Variants in TRPM2 observed in about 807,000 individuals in gnomAD.
TRPM2 encodes the protein transient receptor potential cation channel subfamily M member 2.
Under a neutral mutation model 174.0 loss-of-function variants are expected in TRPM2, and 161 were observed. The ratio of observed to expected loss-of-function variants is 0.93; its 90% CI spans 0.81 to 1.05. The LOEUF (loss-of-function observed/expected upper bound fraction) is 1.05. Among genes scored for constraint, TRPM2 ranks in the 50% least tolerant of loss-of-function variants. TRPM2 has a pLI of 0.00. For synonymous variants in TRPM2, 954 were observed against 861.3 expected (o/e 1.11, Z -1.88); for missense variants, 2,057 against 2,038.0 (o/e 1.01, Z -0.18).
chr21:44,422,705 C>T (rs2050596113), intron 22 of TRPM2, among the ~76,000 whole-genome samples: 1 of 152,192 alleles, frequency 6.6e-6, no homozygotes, highest in Admixed American at 6.5e-5. Flanking sequence ...ATAAACACAG[C>T]AGGCCGAGGC....
chr21:44,416,624 G>C (rs187954955), intron 20 of TRPM2: 77 of 189,820 alleles, frequency 4.1e-4, no homozygotes, highest in Admixed American at 5.9e-4. Flanking sequence ...AATATCGAAA[G>C]TCTGTGTGCT....
upstream of TRPM2, among the ~76,000 whole-genome samples, chr21:44,351,550 C>G (rs2047926032): frequency 2.0e-5 from 3 of 152,224 alleles, no homozygotes; most frequent in East Asian, 5.8e-4. Context: ...AGCTGTGAAC[C>G]AGGGTGGCCC....
upstream of TRPM2, chr21:44,353,555 C>G: frequency 9.4e-7 from 1 of 1,058,368 alleles, no homozygotes; most frequent in Non-Finnish European, 1.3e-6. Flanking sequence ...GTGGCCAGGT[C>G]CTCTCAGAAC....
At chr21:44,431,465 G>A (rs1243758172) in intron 27 of TRPM2, among the ~76,000 whole-genome samples, 1 of 151,970 alleles carries the variant, frequency 6.6e-6, no homozygotes, top group East Asian at 1.9e-4. Flanking sequence ...GTTTAGTGAT[G>A]TACTTTTAGC....
chr21:44,386,521 G>A (rs1411960294), intron 9 of TRPM2, among the ~76,000 whole-genome samples: 1 of 152,002 alleles, frequency 6.6e-6, no homozygotes, highest in Non-Finnish European at 1.5e-5. Context: ...AAAATACTGA[G>A]GAATTAATTA....
intron 27 of TRPM2, among the ~76,000 whole-genome samples, chr21:44,431,891 C>G (rs147485060): frequency 6.6e-6 from 1 of 152,118 alleles, no homozygotes; most frequent in African/African-American, 2.4e-5. Context: ...CTCCGTGGCC[C>G]GTCTCTACCC....
At chr21:44,416,690 C>T in intron 20 of TRPM2, 1 of 196,444 alleles carries the variant, frequency 5.1e-6, no homozygotes, top group Non-Finnish European at 1.1e-5. Context: ...GGTCTGTGGG[C>T]TGAGTTCTGT....
intron 16 of TRPM2, among the ~76,000 whole-genome samples, chr21:44,403,855 TAC>T (rs538812283): frequency 1.3e-4 from 19 of 149,504 alleles, no homozygotes; most frequent in Middle Eastern, 3.5e-3. Flanking sequence ...CACGTGTGCA[TAC>T]ACACAAATAT....
chr21:44,400,385 G>A lies in TRPM2; in HGVS notation c.2321+14G>A, dbSNP rs1303672370. 1 of 1,603,848 alleles carries A rather than the reference G, an allele frequency of 6.2e-7. No homozygotes were observed. Among genetic ancestry groups the A allele is most frequent in the Non-Finnish European group, 8.5e-7 (1 of 1,176,388 alleles). ...CATCTCCTTCAGGTGCTGCAGGGCT[G>A]CGGGGCTGCGGGACTGTGGGGCTGC... On this transcript the variant is annotated intron_variant, in intron 15 of 31. Coordinates refer to ENST00000397928, the MANE Select transcript of TRPM2 (RefSeq NM_003307.4).
chr21:44,388,650 C>CAAA lies in TRPM2; in HGVS notation c.1319-2235_1319-2233dup, dbSNP rs60322957. Among the ~76,000 whole-genome samples, 515 of 82,784 alleles carry CAAA rather than the reference C, an allele frequency of 6.2e-3. 8 individuals carry two copies. The highest frequency in any genetic ancestry group is 0.028 in the Admixed American group (199 of 7,218). The allele number at this position is 82,784 out of a possible 152,430, so 54.3% of individuals were successfully genotyped here. A position where few individuals can be genotyped will look rare whatever the true frequency, so the allele number is the denominator to read the frequency against. On this transcript the variant is annotated intron_variant, in intron 9 of 31. Coordinates refer to ENST00000397928, the MANE Select transcript of TRPM2 (RefSeq NM_003307.4). ...GGCAACATGGAGAACCCTGTCACTA[C>CAAA]AAAAAAAAAAAAAAAAAAAAACTAG...
At chr21:44,365,632 GC>G (rs1335022773) in intron 3 of TRPM2, among the ~76,000 whole-genome samples, 1 of 152,184 alleles carries the variant, frequency 6.6e-6, no homozygotes, top group Non-Finnish European at 1.5e-5. Context: ...TTTGAATCCA[GC>G]TGTGTCTGAG....
intron 16 of TRPM2, 49 bp from the exon 17 acceptor site, chr21:44,405,093 A>T: frequency 6.2e-7 from 1 of 1,607,622 alleles, no homozygotes; most frequent in Non-Finnish European, 8.5e-7. Flanking sequence ...CAGTGAGGAT[A>T]GTAAGAGTGA....
intron 2 of TRPM2, among the ~76,000 whole-genome samples, chr21:44,355,273 C>T (rs1166796681): frequency 6.6e-6 from 1 of 151,672 alleles, no homozygotes; most frequent in African/African-American, 2.4e-5. Context: ...GCAACATGGC[C>T]ACTGTCTCTG....
chr21:44,357,911 A>AC (rs2048104167), intron 2 of TRPM2, among the ~76,000 whole-genome samples: 1 of 152,212 alleles, frequency 6.6e-6, no homozygotes, highest in African/African-American at 2.4e-5. Context: ...CAGGATGGGA[A>AC]GAGGGACCAG....
chr21:44,406,698 G>T lies in TRPM2; in HGVS notation c.2895G>T (p.Trp965Cys). The change falls in exon 19 of 32, where the codon TGG (tryptophan) becomes TGT (cysteine). Residue 965 changes from tryptophan to cysteine, a missense_variant. Transcript: ENST00000397928. The stretch of plus-strand genomic sequence containing the variant: ...TCCACAACGAGCGCCGGGTGGACTG[G>T]CTGTTCCGAGGGGCCGTCTACCACT... ...ILIHNERRVDWLFRGAVYHSY... is the reference protein window; with the variant it reads ...ILIHNERRVDCLFRGAVYHSY... 2 of 1,609,480 alleles carry T rather than the reference G, an allele frequency of 1.2e-6. No homozygotes were observed. The highest frequency in any genetic ancestry group is 1.7e-6 in the Non-Finnish European group (2 of 1,179,246).
intron 19 of TRPM2, among the ~76,000 whole-genome samples, chr21:44,406,966 AG>A (rs1429786713): frequency 1.3e-5 from 2 of 148,532 alleles, no homozygotes; most frequent in South Asian, 2.1e-4. Context: ...GGGAGGGAGG[AG>A]GGGGGCCTGG....
At position 44,399,517 on chromosome 21, in the gene TRPM2, A is replaced by T; in HGVS notation, c.2208+76A>T. ...GGCGGACACAGCCTCCTGTTCGTGC[A>T]GTTGGCACGCACACTCACACAGGCT... On this transcript the variant is annotated intron_variant, in intron 14 of 31. Coordinates refer to ENST00000397928, the MANE Select transcript of TRPM2 (RefSeq NM_003307.4). The surrounding 1 kb of genome is among the most constrained non-coding windows in gnomAD (Gnocchi z 4.6). 1 of 1,527,170 alleles carries T rather than the reference A, an allele frequency of 6.5e-7. No individual in the cohort carries two copies. Among genetic ancestry groups the T allele is most frequent in the Non-Finnish European group, 8.8e-7 (1 of 1,135,932 alleles). 94.6% of individuals were successfully genotyped at this position (1,527,170 alleles called of 1,614,324 possible).
intron 22 of TRPM2, chr21:44,423,419 T>C (rs930930095): frequency 5.0e-5 from 26 of 518,114 alleles, no homozygotes; most frequent in Admixed American, 2.8e-4. Flanking sequence ...GAGCTTGCCA[T>C]GTGAGCCTCG....
chr21:44,382,467 G>A (rs916288153), intron 8 of TRPM2, among the ~76,000 whole-genome samples: 1 of 152,196 alleles, frequency 6.6e-6, no homozygotes, highest in Non-Finnish European at 1.5e-5. Flanking sequence ...CTGCACTATC[G>A]TCAGGGTGAA....
Sources: allele counts gnomAD v4.1 joint callset (sites outside exome capture counted in the v4.1 genomes callset), GRCh38; gene constraint gnomAD v4.1.1; non-coding constraint Gnocchi (gnomAD v3.1); transcripts MANE v1.5; gene names NCBI Gene and HGNC (gene_info 2026-07-23, HGNC 2026-07-21).